The following MGAM variants were observed in gnomAD, a reference collection of about 807,000 sequenced individuals.
The protein encoded by MGAM is maltase-glucoamylase, also known as alpha-1,4-glucosidase.
In MGAM, 253 loss-of-function variants were observed where a neutral mutation model predicts 358.8. That is an observed-to-expected ratio of 0.71 (90% CI 0.64 to 0.78). The LOEUF is 0.78. Ranked by LOEUF, MGAM falls within the 30% of genes least tolerant of loss-of-function variation. MGAM has a pLI of 0.00. For synonymous variants in MGAM, 1,105 were observed against 1,227.1 expected, an observed-to-expected ratio of 0.90 and a Z score of 2.08; for missense variants, 3,080 against 3,432.6, an observed-to-expected ratio of 0.90 and a Z score of 2.57.
At chr7:142,021,467 T>C in intron 5 of MGAM, 119 bp from the exon 6 acceptor site, 1 of 993,156 alleles carries the variant, frequency 1.0e-6, no homozygotes, top group Non-Finnish European at 1.5e-6. Flanking sequence ...AATGAGTACA[T>C]CTACCTAAGA....
At chr7:142,066,005 A>G (rs1056616457) in intron 40 of MGAM, among the ~76,000 whole-genome samples, 174 bp downstream of exon 40, 13 of 135,566 alleles carry the variant, frequency 9.6e-5, no homozygotes, top group African/African-American at 3.1e-4. Flanking sequence ...TCTGTTGGCC[A>G]GGCTGAATCG....
At chr7:142,054,201 G>A (rs565832083) in intron 26 of MGAM, among the ~76,000 whole-genome samples, 12 of 152,306 alleles carry the variant, frequency 7.9e-5, no homozygotes, top group Middle Eastern at 3.4e-3. Flanking sequence ...CATCACCCAC[G>A]TGTTGTGAGC....
At position 142,106,006 on chromosome 7, in the gene MGAM, T is replaced by C; in HGVS notation, c.*115T>C. ...GTTCATACCCACTATTGGTGAAATATTTCTGTTAATTTTGTTATATGTTTT... is the reference window on the plus strand; with the variant it reads ...GTTCATACCCACTATTGGTGAAATACTTCTGTTAATTTTGTTATATGTTTT... On this transcript the variant is annotated 3_prime_UTR_variant, in exon 71 of 71. Transcript: ENST00000475668. 1 of 812,638 alleles carries C rather than the reference T, an allele frequency of 1.2e-6. No individual in the cohort carries two copies. Among genetic ancestry groups the C allele is most frequent in the Non-Finnish European group, 2.0e-6 (1 of 500,262 alleles). The allele number at this position is 812,638 out of a possible 1,614,324, so 50.3% of individuals were successfully genotyped here.
At position 142,025,100 on chromosome 7, in the gene MGAM, T is replaced by C. The variant is rs2128998881; in HGVS notation, c.933T>C (p.Asp311=). The C allele has an allele frequency of 6.2e-7, 1 of 1,613,700 alleles. No homozygotes were observed. The highest frequency in any genetic ancestry group is 2.2e-5 in the East Asian group (1 of 44,862). The change falls in exon 8 of 71, where the codon GAT becomes GAC. Residue 311 remains aspartate, a synonymous_variant. Coordinates refer to ENST00000475668, the MANE Select transcript of MGAM (RefSeq NM_001365693.1). ...AGACATTCTTCTTGTGCCTTGAAGA[T>C]GCTAGTGGATTGTCCTTTGGGGTGT... ...GAQTFFLCLE[D]ASGLSFGVFL...
At chr7:142,099,893 C>T (rs1225175421) in intron 67 of MGAM, among the ~76,000 whole-genome samples, 156 bp downstream of exon 67, 3 of 152,214 alleles carry the variant, frequency 2.0e-5, no homozygotes, top group Non-Finnish European at 4.4e-5. Flanking sequence ...TAACCTTTTT[C>T]AGACTCTATA....
chr7:142,056,564 A>G (rs1198189221), intron 29 of MGAM, among the ~76,000 whole-genome samples: 1 of 152,176 alleles, frequency 6.6e-6, no homozygotes, highest in Non-Finnish European at 1.5e-5. Context: ...CTCTTTATCT[A>G]ACATAAAACT....
In MGAM at chr7:142,066,976, G is replaced by A. The variant is rs1364157466; in HGVS notation, c.4919+255G>A. On this transcript the variant is annotated intron_variant, in intron 41 of 70. Coordinates refer to ENST00000475668, the MANE Select transcript of MGAM (RefSeq NM_001365693.1). ...CATAGAATAGTTTCATTCTAATTTG[G>A]TTGTGCAAAGGCCTATCTTATGTAG... 2.7e-5 allele frequency among the ~76,000 whole-genome samples: 4 copies of A among 146,330 alleles called. 1 individual carries two copies. The highest frequency in any genetic ancestry group is 1.4e-4 in the Admixed American group (2 of 14,572).
chr7:142,019,765 C>T (rs1584926732), intron 4 of MGAM, among the ~76,000 whole-genome samples: 1 of 152,080 alleles, frequency 6.6e-6, no homozygotes. Flanking sequence ...CTTCTTCCTC[C>T]TACTCTAAAA....
At position 142,046,115 on chromosome 7, in the gene MGAM, T is replaced by C. The variant is rs182966063; in HGVS notation, c.2499-1670T>C. On this transcript the variant is annotated intron_variant, in intron 21 of 70. Coordinates refer to ENST00000475668, the MANE Select transcript of MGAM (RefSeq NM_001365693.1). ...GTAATTATATATTTATTTTTATATT[T>C]ATATATTTATTATATATTTATATAT... Among the ~76,000 whole-genome samples the C allele has an allele frequency of 2.2e-3, 307 of 141,896 alleles. 4 individuals are homozygous for C. The highest frequency in any genetic ancestry group is 7.5e-3 in the African/African-American group (283 of 37,882). The allele number at this position is 141,896 out of a possible 152,430, so 93.1% of individuals were successfully genotyped here.
intron 3 of MGAM, 133 bp downstream of exon 3, chr7:142,008,838 TCAG>T: frequency 1.1e-6 from 1 of 914,644 alleles, no homozygotes; most frequent in Non-Finnish European, 1.6e-6. Context: ...CATTAGTGGC[TCAG>T]GCAAATTAAC....
At position 142,003,803 on chromosome 7, in the gene MGAM, C is replaced by T. The variant is rs367710226; in HGVS notation, c.-2-1726C>T. On this transcript the variant is annotated intron_variant, in intron 1 of 70. Transcript: ENST00000475668. The stretch of plus-strand genomic sequence containing the variant: ...AAATATTTGCAAACAGTGTATCTGA[C>T]AAAGGGCTAAGATCCAGAATCTATA... 1.1e-4 allele frequency among the ~76,000 whole-genome samples: 16 copies of T among 151,748 alleles called. No individual in the cohort carries two copies. In the East Asian group the frequency reaches 1.7e-3, roughly 17 times the overall value.
intron 31 of MGAM, among the ~76,000 whole-genome samples, chr7:142,058,667 C>T (rs1391226354): frequency 1.3e-5 from 2 of 152,210 alleles, no homozygotes; most frequent in Non-Finnish European, 2.9e-5. Flanking sequence ...GTATATCCCA[C>T]AGTTCTTTTA....
In MGAM at chr7:142,022,250, T is replaced by C. The variant is rs1442566014; in HGVS notation, c.711-18T>C. ...CCCTGCTTGCTCACCCATCCTTGTG[T>C]TCTCCACCTGTGTCTAGGTTTGACT... On this transcript the variant is annotated intron_variant, in intron 6 of 70. Transcript: ENST00000475668. 5.0e-6 allele frequency: 8 copies of C among 1,589,510 alleles called. No homozygotes were observed. The highest frequency in any genetic ancestry group is 6.9e-6 in the Non-Finnish European group (8 of 1,166,044).
chr7:142,054,937 T>G, intron 27 of MGAM, 29 bp downstream of exon 27: 1 of 1,609,826 alleles, frequency 6.2e-7, no homozygotes, highest in South Asian at 1.1e-5. Flanking sequence ...GACTCAGAGT[T>G]GATGGCTACC....
chr7:142,021,670 T>C lies in MGAM; in HGVS notation c.643T>C (p.Tyr215His). 1 of 1,613,962 alleles carries C rather than the reference T, an allele frequency of 6.2e-7. No homozygotes were observed. Among genetic ancestry groups the C allele is most frequent in the Non-Finnish European group, 8.5e-7 (1 of 1,179,828 alleles). The change falls in exon 6 of 71, where the codon TAC becomes CAC. Residue 215 changes from tyrosine to histidine, a missense_variant. Around this residue, in one of 5 missense-constraint regions of MGAM, gnomAD observed 1,816 missense variants for 1,840.5 expected, o/e 0.99. Coordinates refer to ENST00000475668, the MANE Select transcript of MGAM (RefSeq NM_001365693.1). ...FSGNAAASLT[Y>H]QVEISRQPFS... ...TGGAAATGCTGCTGCTTCTTTGACC[T>C]ACCAAGTTGAAATCTCCAGACAGCC...
upstream of MGAM, among the ~76,000 whole-genome samples, chr7:141,992,853 G>A (rs1554447610): frequency 6.6e-6 from 1 of 152,150 alleles, no homozygotes; most frequent in East Asian, 1.9e-4. Flanking sequence ...AAAGTGCTAG[G>A]ATTACATGTA....
intron 24 of MGAM, 84 bp downstream of exon 24, chr7:142,050,948 C>G (rs1164101602): frequency 6.3e-6 from 10 of 1,583,478 alleles, no homozygotes; most frequent in Admixed American, 1.7e-5. Context: ...TGCATGGGTC[C>G]CTGAAGGACC....
intron 26 of MGAM, among the ~76,000 whole-genome samples, chr7:142,054,061 A>G (rs1811265894): frequency 6.6e-6 from 1 of 152,166 alleles, no homozygotes; most frequent in Non-Finnish European, 1.5e-5. Context: ...TGTTTGGTTA[A>G]TGACTACCAA....
chr7:142,060,524 A>G (rs536091779), intron 34 of MGAM, among the ~76,000 whole-genome samples, 151 bp downstream of exon 34: 5 of 152,368 alleles, frequency 3.3e-5, no homozygotes, highest in Admixed American at 2.6e-4. Flanking sequence ...CTGTATGCCT[A>G]TTACTTTATA....
Sources: allele counts gnomAD v4.1 joint callset (sites outside exome capture counted in the v4.1 genomes callset), GRCh38; gene constraint gnomAD v4.1.1; regional missense constraint gnomAD v4.1.1; transcripts MANE v1.5; gene names NCBI Gene and HGNC (gene_info 2026-07-23, HGNC 2026-07-21).